The following LRRC37A2 variants were observed in gnomAD, a reference collection of about 807,000 sequenced individuals.
The protein encoded by LRRC37A2 is leucine-rich repeat-containing protein 37A2.
LRRC37A2 carries 9 observed loss-of-function variants against 68.8 expected under a neutral mutation model. That is an observed-to-expected ratio of 0.13 (90% confidence interval 0.08 to 0.23). The LOEUF (loss-of-function observed/expected upper bound fraction) is 0.23. Among genes scored for constraint, LRRC37A2 ranks in the 10% least tolerant of loss-of-function variants. The pLI, the probability that LRRC37A2 is intolerant of heterozygous loss-of-function variation, is 1.00. For synonymous variants in LRRC37A2, 63 were observed against 367.6 expected (o/e 0.17, Z 9.48); for missense variants, 168 against 950.4 (o/e 0.18, Z 10.82).
At chr17:46,772,234 A>C in the LRRC37A2 span, among the ~76,000 whole-genome samples, 1 of 151,790 alleles carries the variant, frequency 6.6e-6, no homozygotes, top group Non-Finnish European at 1.5e-5. Flanking sequence ...CAAATTCCCA[A>C]ACTCTCGGGC....
chr17:46,803,968 G>A, the LRRC37A2 span, among the ~76,000 whole-genome samples: 1 of 152,150 alleles, frequency 6.6e-6, no homozygotes, highest in Non-Finnish European at 1.5e-5. Flanking sequence ...GGTAAAGCGT[G>A]TTTTCCCTTA....
chr17:46,994,704 G>A, the LRRC37A2 span, among the ~76,000 whole-genome samples: 49 of 152,094 alleles, frequency 3.2e-4, 1 homozygote, highest in Admixed American at 3.1e-3. Flanking sequence ...GCTTTTCTCA[G>A]CATCAAGCAG....
the LRRC37A2 span, among the ~76,000 whole-genome samples, chr17:46,775,011 C>T: frequency 1.3e-5 from 2 of 152,134 alleles, no homozygotes; most frequent in African/African-American, 2.4e-5. Context: ...GTCAAGTTTC[C>T]CACAAAAAGT....
chr17:46,975,170 A>G, the LRRC37A2 span: 2 of 152,130 alleles, frequency 1.3e-5, no homozygotes, highest in East Asian at 3.9e-4. Context: ...CGTGAAAGCT[A>G]TGGGTCCCCT....
At chr17:46,771,228 G>A in the LRRC37A2 span, among the ~76,000 whole-genome samples, 1 of 152,054 alleles carries the variant, frequency 6.6e-6, no homozygotes, top group African/African-American at 2.4e-5. Flanking sequence ...CCCGCGCCCC[G>A]CGCCTGCGCT....
At chr17:46,810,010 T>C in the LRRC37A2 span, among the ~76,000 whole-genome samples, 1 of 148,538 alleles carries the variant, frequency 6.7e-6, no homozygotes, top group Admixed American at 6.6e-5. Flanking sequence ...CTTTCTTTTT[T>C]TTTTTTTTTT....
the LRRC37A2 span, among the ~76,000 whole-genome samples, chr17:46,734,431 T>G: frequency 0.98 from 148,445 of 152,122 alleles, 72,519 homozygotes; most frequent in East Asian, 1. Context: ...TTAGTGGCCT[T>G]CTTAGTAAGT....
chr17:46,976,525 C>T, the LRRC37A2 span, among the ~76,000 whole-genome samples: 1 of 151,852 alleles, frequency 6.6e-6, no homozygotes, highest in South Asian at 2.1e-4. Context: ...CCAGCCTGGG[C>T]GACAGAGTGA....
At chr17:46,769,153 C>T in the LRRC37A2 span, among the ~76,000 whole-genome samples, 1 of 151,980 alleles carries the variant, frequency 6.6e-6, no homozygotes, top group Admixed American at 6.6e-5. Flanking sequence ...CCCGTCTCTA[C>T]TAAAAATACA....
At chr17:46,380,458 T>A in the LRRC37A2 span, among the ~76,000 whole-genome samples, 1 of 1,834 alleles carries the variant, frequency 5.5e-4, no homozygotes, top group African/African-American at 6.1e-4. Context: ...CCACAGTGCC[T>A]GAACTGTTTT....
the LRRC37A2 span, among the ~76,000 whole-genome samples, chr17:46,811,477 G>A: frequency 7.2e-5 from 11 of 152,314 alleles, no homozygotes; most frequent in East Asian, 5.8e-4. Flanking sequence ...CTGTGCTCAC[G>A]AGGGACAGGC....
chr17:46,907,263 C>T, the LRRC37A2 span, among the ~76,000 whole-genome samples: 1 of 152,168 alleles, frequency 6.6e-6, no homozygotes, highest in South Asian at 2.1e-4. Context: ...TCTTCCGGGC[C>T]CAGCTCTTCC....
chr17:46,774,776 C>T, the LRRC37A2 span, among the ~76,000 whole-genome samples: 3 of 152,164 alleles, frequency 2.0e-5, no homozygotes, highest in South Asian at 4.2e-4. Flanking sequence ...TACTAGAAAA[C>T]CAAGGTAGGA....
the LRRC37A2 span, among the ~76,000 whole-genome samples, chr17:46,979,438 G>A: frequency 6.6e-6 from 1 of 152,186 alleles, no homozygotes; most frequent in Non-Finnish European, 1.5e-5. Flanking sequence ...CCGCGGGCCG[G>A]CGAAACTCCA....
the LRRC37A2 span, among the ~76,000 whole-genome samples, chr17:46,946,282 CAAA>C: frequency 3.2e-5 from 4 of 126,680 alleles, no homozygotes; most frequent in African/African-American, 6.3e-5. Context: ...CTAAAAATAC[CAAA>C]AAAAAAAAAA....
chr17:46,910,800 A>G, the LRRC37A2 span, among the ~76,000 whole-genome samples: 1 of 152,348 alleles, frequency 6.6e-6, no homozygotes, highest in African/African-American at 2.4e-5. Context: ...GAAAACACAC[A>G]GTGTATTAGA....
the LRRC37A2 span, chr17:47,005,579 C>T: frequency 2.0e-5 from 3 of 152,150 alleles, no homozygotes; most frequent in Admixed American, 6.6e-5. Flanking sequence ...ACAATGCCCA[C>T]CTAGTTAATA....
At chr17:46,765,868 A>C in the LRRC37A2 span, among the ~76,000 whole-genome samples, 1 of 152,236 alleles carries the variant, frequency 6.6e-6, no homozygotes, top group East Asian at 1.9e-4. Context: ...ACAAATGAAG[A>C]AGCCAGGGCT....
intron 11 of LRRC37A2, chr17:46,552,447 AAT>A (rs1331718019): frequency 6.8e-5 from 2 of 29,526 alleles, no homozygotes; most frequent in Admixed American, 7.6e-4. Context: ...TAATTTAAAA[AAT>A]GTGTTCGTAG....
Sources: gnomAD v4.1 joint callset for allele counts (sites outside exome capture counted in the v4.1 genomes callset) on GRCh38, gnomAD v4.1.1 for gene constraint, MANE v1.5 for transcripts, NCBI Gene and HGNC (gene_info 2026-07-23, HGNC 2026-07-21) for gene names.